COLQ: variants seen among roughly 807,000 people sequenced by gnomAD.
COLQ encodes acetylcholinesterase collagenic tail peptide.
A neutral mutation model predicts 69.0 loss-of-function variants in COLQ; 48 were observed. That is an observed-to-expected ratio of 0.70 (90% CI 0.55 to 0.88). The LOEUF (loss-of-function observed/expected upper bound fraction) is 0.88, where lower values mean the gene tolerates loss of function less well. Among genes scored for constraint, COLQ ranks in the 40% least tolerant of loss-of-function variants. The pLI is 0.00. For synonymous variants in COLQ, 217 were observed against 211.2 expected, an observed-to-expected ratio of 1.03 and a Z score of -0.24; for missense variants, 618 against 594.6, an observed-to-expected ratio of 1.04 and a Z score of -0.41.
chr3:15,463,278 T>G (rs1328137398), intron 12 of COLQ, among the ~76,000 whole-genome samples: 1 of 16 alleles, frequency 0.062, no homozygotes, highest in Non-Finnish European at 0.12. Flanking sequence ...ACCAATCCCA[T>G]TGCCCCTGGA....
rs994643666 is a variant in COLQ at position 15,451,728 on chromosome 3, G to C, written c.1299-15C>G. The C allele has an allele frequency of 1.2e-6, 2 of 1,612,406 alleles. No individual in the cohort carries two copies. Among genetic ancestry groups the C allele is most frequent in the African/African-American group, 1.3e-5 (1 of 74,888 alleles). On this transcript the variant is annotated splice_polypyrimidine_tract_variant and intron_variant, in intron 16 of 16. Coordinates refer to ENST00000383788, the MANE Select transcript of COLQ (RefSeq NM_005677.4). ...CTCCATATGACCTGAGGGAGGCAAA[G>C]ACACGTTCTAAAAGGCCACCTCTTA...
intron 4 of COLQ, 60 bp downstream of exon 4, chr3:15,479,278 C>T (rs2062436877): frequency 3.9e-6 from 6 of 1,545,542 alleles, no homozygotes; most frequent in Non-Finnish European, 5.4e-6. Context: ...CAGTGGGATG[C>T]CCAGAAAACA....
At chr3:15,462,417 CT>C (rs1430822160) in intron 12 of COLQ, among the ~76,000 whole-genome samples, 1 of 152,210 alleles carries the variant, frequency 6.6e-6, no homozygotes, top group Non-Finnish European at 1.5e-5. Flanking sequence ...GCCCCATCTT[CT>C]CTTTACCTTC....
At chr3:15,481,420 C>T (rs2125126719) in intron 3 of COLQ, among the ~76,000 whole-genome samples, 1 of 152,326 alleles carries the variant, frequency 6.6e-6, no homozygotes, top group African/African-American at 2.4e-5. Flanking sequence ...CCAGTTTCAG[C>T]TTTCTACATA....
intron 1 of COLQ, among the ~76,000 whole-genome samples, chr3:15,497,976 G>T (rs2062771394): frequency 6.6e-6 from 1 of 152,188 alleles, no homozygotes; most frequent in African/African-American, 2.4e-5. Context: ...GGTAGAGTTT[G>T]CCTTCTGCTG....
intron 3 of COLQ, among the ~76,000 whole-genome samples, chr3:15,485,939 G>A (rs2062565597): frequency 6.6e-6 from 1 of 152,084 alleles, no homozygotes; most frequent in African/African-American, 2.4e-5. Flanking sequence ...TCTAACCTAG[G>A]TGGCACAGTG....
intron 1 of COLQ, among the ~76,000 whole-genome samples, chr3:15,499,722 G>T (rs2062805910): frequency 6.6e-6 from 1 of 152,208 alleles, no homozygotes; most frequent in Non-Finnish European, 1.5e-5. Context: ...ACTAGACACA[G>T]TTCCCGCCCT....
At chr3:15,518,951 T>A (rs1024673642) in intron 1 of COLQ, among the ~76,000 whole-genome samples, 1 of 152,194 alleles carries the variant, frequency 6.6e-6, no homozygotes, top group African/African-American at 2.4e-5. Flanking sequence ...TTCAGAAGAA[T>A]TAAGAGTCTA....
Position 15,473,971 on chromosome 3 carries a change from C to T in COLQ, c.636+29G>A. 1 of 1,612,548 alleles carries T rather than the reference C, an allele frequency of 6.2e-7. No homozygotes were observed. On this transcript the variant is annotated intron_variant, in intron 10 of 16. Coordinates refer to ENST00000383788, the MANE Select transcript of COLQ (RefSeq NM_005677.4). This position sits in a 1 kb window ranked among gnomAD's most constrained non-coding sequence, Gnocchi z 4.0. Reference sequence around the variant, plus strand: ...GGAGGACCTGATATTTTTATTGAGGCCTATTTTCACTACCTCAAGGTTACT... The same window carrying T: ...GGAGGACCTGATATTTTTATTGAGGTCTATTTTCACTACCTCAAGGTTACT...
chr3:15,475,596 G>T, intron 6 of COLQ, 109 bp from the exon 7 acceptor site: 1 of 1,052,538 alleles, frequency 9.5e-7, no homozygotes, highest in Non-Finnish European at 1.4e-6. Context: ...GGGCTGGCTT[G>T]TAAATCTGAG....
At chr3:15,461,597 G>C (rs2062115450) in intron 12 of COLQ, among the ~76,000 whole-genome samples, 1 of 152,152 alleles carries the variant, frequency 6.6e-6, no homozygotes, top group Admixed American at 6.5e-5. Context: ...GGGAATCTAG[G>C]AGAGGGCAGA....
intron 6 of COLQ, among the ~76,000 whole-genome samples, chr3:15,476,381 G>A (rs1031370220): frequency 1.3e-5 from 2 of 152,176 alleles, no homozygotes; most frequent in Non-Finnish European, 2.9e-5. Context: ...AACATTCCAC[G>A]GGCTTGAGGG....
intron 1 of COLQ, among the ~76,000 whole-genome samples, chr3:15,518,024 C>T (rs2063085889): frequency 6.6e-6 from 1 of 152,188 alleles, no homozygotes; most frequent in Non-Finnish European, 1.5e-5. Context: ...CAGCTCACTG[C>T]TACCTCCGCC....
intron 14 of COLQ, 46 bp downstream of exon 14, chr3:15,456,414 C>G (rs372275872): frequency 6.2e-7 from 1 of 1,611,062 alleles, no homozygotes; most frequent in Admixed American, 1.7e-5. Context: ...GGATGCATCT[C>G]TCTCCTGGGC....
At chr3:15,497,356 T>C (rs1338714643) in intron 1 of COLQ, among the ~76,000 whole-genome samples, 1 of 152,158 alleles carries the variant, frequency 6.6e-6, no homozygotes. Flanking sequence ...CTTTAGTCCC[T>C]TTTTAAAATA....
intron 4 of COLQ, 117 bp from the exon 5 acceptor site, chr3:15,479,120 G>A: frequency 7.5e-6 from 10 of 1,337,112 alleles, no homozygotes; most frequent in Non-Finnish European, 1.1e-5. Flanking sequence ...CTTGGCTGCT[G>A]CTCACGGCCC....
intron 16 of COLQ, among the ~76,000 whole-genome samples, chr3:15,453,549 G>A (rs918214346): frequency 1.3e-5 from 2 of 152,174 alleles, no homozygotes; most frequent in South Asian, 4.1e-4. Flanking sequence ...CTCATGCAGG[G>A]CAGCAGCTGA....
In COLQ at chr3:15,489,607, C is replaced by A. The variant is rs191657758; in HGVS notation, c.137G>T (p.Gly46Val). 1 of 1,614,144 alleles carries A rather than the reference C, an allele frequency of 6.2e-7. No homozygotes were observed. Among genetic ancestry groups the A allele is most frequent in the South Asian group, 1.1e-5 (1 of 91,074 alleles). ...ALPSLDQKKR[G>V]GHKACCLLTP... is the part of the protein sequence containing the mutation. ...CAGCAGGCAGCATGCTTTGTGGCCA[C>A]CACGCTTCTTCTGATCCAGGCTGGG... is the stretch of plus-strand genomic sequence containing the variant. The change falls in exon 2 of 17, where the codon GGT becomes GTT. Residue 46 changes from glycine (G) to valine (V), a missense_variant. Physicochemically the swap from Gly to Val is moderately radical, Grantham distance 109. Coordinates refer to ENST00000383788, the MANE Select transcript of COLQ (RefSeq NM_005677.4).
chr3:15,494,540 A>G (rs2062717563), intron 1 of COLQ, among the ~76,000 whole-genome samples: 1 of 152,152 alleles, frequency 6.6e-6, no homozygotes, highest in Non-Finnish European at 1.5e-5. Context: ...TGGGAAGCAG[A>G]AAGTACCTAA....
Sources: allele counts gnomAD v4.1 joint callset (sites outside exome capture counted in the v4.1 genomes callset), GRCh38; gene constraint gnomAD v4.1.1; non-coding constraint Gnocchi (gnomAD v3.1); transcripts MANE v1.5; gene names NCBI Gene and HGNC (gene_info 2026-07-23, HGNC 2026-07-21).